Variants in LRRC47 observed in about 807,000 individuals in gnomAD.
LRRC47 encodes leucine-rich repeat-containing protein 47.
In LRRC47, 31 loss-of-function variants were observed where a neutral mutation model predicts 40.9. That is an observed-to-expected ratio of 0.76 (90% CI 0.57 to 1.02). The LOEUF is 1.02. Ranked by LOEUF, LRRC47 falls within the 50% of genes least tolerant of loss-of-function variation. The pLI is 0.00. For synonymous variants in LRRC47, 427 were observed against 371.9 expected (o/e 1.15, Z -1.70); for missense variants, 726 against 796.1 (o/e 0.91, Z 1.06).
chr1:3,791,400 CAG>C (rs1379875155), intron 1 of LRRC47, among the ~76,000 whole-genome samples: 1 of 152,234 alleles, frequency 6.6e-6, no homozygotes, highest in Non-Finnish European at 1.5e-5. Context: ...CACGCAGCCA[CAG>C]AGAGACAGGG....
chr1:3,788,317 C>T (rs1435241655), intron 1 of LRRC47, among the ~76,000 whole-genome samples: 1 of 152,240 alleles, frequency 6.6e-6, no homozygotes, highest in African/African-American at 2.4e-5. Context: ...GAGGAAGACC[C>T]TGCTCAGGAT....
intron 1 of LRRC47, among the ~76,000 whole-genome samples, chr1:3,789,751 G>A (rs988661234): frequency 3.9e-5 from 6 of 152,236 alleles, no homozygotes; most frequent in African/African-American, 9.6e-5. Context: ...TGGGTGGGGC[G>A]CAAAGCCGCA....
intron 1 of LRRC47, among the ~76,000 whole-genome samples, chr1:3,793,826 G>A (rs558474228): frequency 2.6e-5 from 4 of 152,008 alleles, no homozygotes; most frequent in African/African-American, 7.3e-5. Flanking sequence ...GCAAGCACCC[G>A]TTGCCTAGCC....
At chr1:3,792,060 C>T (rs1469004690) in intron 1 of LRRC47, among the ~76,000 whole-genome samples, 1 of 152,198 alleles carries the variant, frequency 6.6e-6, no homozygotes, top group Non-Finnish European at 1.5e-5. Context: ...AGCCTGCCTT[C>T]TGTTTCTGAG....
chr1:3,790,889 G>GA (rs1217473855), intron 1 of LRRC47, among the ~76,000 whole-genome samples: 1 of 31,814 alleles, frequency 3.1e-5, no homozygotes, highest in Non-Finnish European at 6.5e-5. Flanking sequence ...AGGACAGGCA[G>GA]AAGCTCTGTG....
intron 1 of LRRC47, among the ~76,000 whole-genome samples, chr1:3,789,458 G>C (rs1259552082): frequency 6.6e-6 from 1 of 152,270 alleles, no homozygotes; most frequent in East Asian, 1.9e-4. Flanking sequence ...CTGACAAAGA[G>C]CAAGTTCCTT....
chr1:3,781,740 G>A (rs1643522577), intron 5 of LRRC47, 139 bp from the exon 6 acceptor site: 2 of 707,078 alleles, frequency 2.8e-6, no homozygotes, highest in Non-Finnish European at 4.9e-6. Flanking sequence ...AGCACTTTGG[G>A]AGGTTGATGT....
At position 3,781,202 on chromosome 1, in the gene LRRC47, G is replaced by A; in HGVS notation, c.1638C>T (p.Ser546=). The A allele has an allele frequency of 6.2e-7, 1 of 1,614,192 alleles. No individual in the cohort carries two copies. Among genetic ancestry groups the A allele is most frequent in the Non-Finnish European group, 8.5e-7 (1 of 1,180,030 alleles). Residue 546 remains serine, a synonymous_variant, in exon 7 of 7, where the codon TCC becomes TCT. Transcript: ENST00000378251. ...TNPSAGKDGP[S]LLVVEQVRVV... The stretch of plus-strand genomic sequence containing the variant: ...CCCGGACCTGCTCCACCACCAGAAG[G>A]GAGGGCCCGTCCTTTCCAGCACTGG...
intron 1 of LRRC47, among the ~76,000 whole-genome samples, 199 bp from the exon 2 acceptor site, chr1:3,787,509 T>C (rs1643587762): frequency 2.0e-5 from 3 of 152,176 alleles, no homozygotes; most frequent in Admixed American, 2.0e-4. Flanking sequence ...AAAGGCACTA[T>C]CCGAGGAGCC....
chr1:3,796,026 A>C lies in LRRC47; in HGVS notation c.451T>G (p.Cys151Gly), dbSNP rs913878056. 6.5e-7 allele frequency: 1 copy of C among 1,548,378 alleles called. No homozygotes were observed. The highest frequency in any genetic ancestry group is 2.0e-5 in the Admixed American group (1 of 51,082). ...LRELPADLARCAPRLQSLNLT... is the reference protein window; with the variant it reads ...LRELPADLARGAPRLQSLNLT... ...TTGAGGCTCTGCAGGCGCGGGGCGCAGCGCGCCAGGTCGGCTGGCAGCTCG... is the reference window on the plus strand; with the variant it reads ...TTGAGGCTCTGCAGGCGCGGGGCGCCGCGCGCCAGGTCGGCTGGCAGCTCG... Residue 151 changes from cysteine to glycine, a missense_variant, in exon 1 of 7, where the codon TGC becomes GGC. Physicochemically the swap from Cys to Gly is radical, Grantham distance 159. Transcript: ENST00000378251.
chr1:3,783,057 G>A (rs933818595), intron 4 of LRRC47: 2 of 327,594 alleles, frequency 6.1e-6, no homozygotes, highest in South Asian at 1.4e-4. Context: ...GTGGGACTGC[G>A]CCTATGATTA....
In LRRC47 at chr1:3,789,502, C is replaced by T. The variant is rs147815891; in HGVS notation, c.616-2192G>A. Among the ~76,000 whole-genome samples the T allele has an allele frequency of 7.1e-3, 1,083 of 152,362 alleles. 15 individuals are homozygous for T. Among genetic ancestry groups the T allele is most frequent in the African/African-American group, 0.025 (1,022 of 41,588 alleles). ...GGAGCAGCAGCAGAGGCGAAGGAGG[C>T]GGGCGGGGCCCCACCGGGGCGCCCA... On this transcript the variant is annotated intron_variant, in intron 1 of 6. Transcript: ENST00000378251.
chr1:3,791,469 T>G (rs948035704), intron 1 of LRRC47, among the ~76,000 whole-genome samples: 4 of 152,210 alleles, frequency 2.6e-5, no homozygotes, highest in African/African-American at 9.7e-5. Context: ...CTCTCCTTTT[T>G]TCTTGAGACG....
chr1:3,788,789 G>A (rs1262583485), intron 1 of LRRC47, among the ~76,000 whole-genome samples: 5 of 152,092 alleles, frequency 3.3e-5, no homozygotes, highest in Non-Finnish European at 4.4e-5. Context: ...GGGAGGAAGC[G>A]ACAACTTAAC....
intron 4 of LRRC47, 42 bp from the exon 5 acceptor site, chr1:3,782,805 G>GA (rs1322517724): frequency 1.7e-6 from 2 of 1,206,308 alleles, no homozygotes; most frequent in Non-Finnish European, 2.5e-6. Context: ...AATTATAAAA[G>GA]AAACACTGTG....
chr1:3,781,064 A>C lies in LRRC47; in HGVS notation c.*24T>G. The C allele has an allele frequency of 6.2e-7, 1 of 1,600,780 alleles. No individual in the cohort carries two copies. The highest frequency in any genetic ancestry group is 8.5e-7 in the Non-Finnish European group (1 of 1,170,442). On this transcript the variant is annotated 3_prime_UTR_variant, in exon 7 of 7. Coordinates refer to ENST00000378251, the MANE Select transcript of LRRC47 (RefSeq NM_020710.3). ...GAAACCTCCGCAAAACCGGCCAAAC[A>C]AACGCGGACAGGCGGCCCTGGCGTC...
chr1:3,791,146 G>A (rs930634338), intron 1 of LRRC47, among the ~76,000 whole-genome samples: 1 of 149,676 alleles, frequency 6.7e-6, no homozygotes, highest in Non-Finnish European at 1.5e-5. Context: ...CTGAGCCCAC[G>A]CCAGCTGAGC....
At chr1:3,794,906 T>C (rs1643658987) in intron 1 of LRRC47, among the ~76,000 whole-genome samples, 1 of 151,484 alleles carries the variant, frequency 6.6e-6, no homozygotes, top group Admixed American at 6.6e-5. Flanking sequence ...ACACAAAAGT[T>C]AGCCGGGCGT....
intron 1 of LRRC47, among the ~76,000 whole-genome samples, chr1:3,788,118 C>T (rs769677601): frequency 1.3e-5 from 2 of 152,226 alleles, no homozygotes; most frequent in Non-Finnish European, 2.9e-5. Context: ...GTCTGGGCAG[C>T]GCAGGGAACG....
Sources: allele counts gnomAD v4.1 joint callset (sites outside exome capture counted in the v4.1 genomes callset), GRCh38; gene constraint gnomAD v4.1.1; transcripts MANE v1.5; gene names NCBI Gene and HGNC (gene_info 2026-07-23, HGNC 2026-07-21).